NUP210: variants seen among roughly 807,000 people sequenced by gnomAD.
NUP210 encodes nuclear pore membrane glycoprotein 210.
A neutral mutation model predicts 196.0 loss-of-function variants in NUP210; 151 were observed. The ratio of observed to expected loss-of-function variants is 0.77; its 90% CI spans 0.67 to 0.88. The LOEUF (loss-of-function observed/expected upper bound fraction) is 0.88, where lower values mean the gene tolerates loss of function less well. NUP210 is among the 40% of genes least tolerant of loss of function. NUP210 has a pLI of 0.00. For missense variants in NUP210, 2,314 were observed against 2,493.7 expected, an observed-to-expected ratio of 0.93 and a Z score of 1.53; for synonymous variants, 1,070 against 1,052.7, an observed-to-expected ratio of 1.02 and a Z score of -0.32.
chr3:13,379,714 G>C lies in NUP210; in HGVS notation c.825C>G (p.Ser275=), dbSNP rs1172228121. ...KIRQGKITEL[S]MPSDQYELQL... Reference sequence around the variant, plus strand: ...GCAACTCGTACTGATCGGAAGGCATGGAGAGTTCTGGCCACCAAGAAACAA... The same window carrying C: ...GCAACTCGTACTGATCGGAAGGCATCGAGAGTTCTGGCCACCAAGAAACAA... Residue 275 remains serine (S), a synonymous_variant, in exon 7 of 40, where the codon TCC becomes TCG. Transcript: ENST00000254508. The surrounding 1 kb of genome is among the most constrained non-coding windows in gnomAD (Gnocchi z 4.2). 1 of 1,580,670 alleles carries C rather than the reference G, an allele frequency of 6.3e-7. No individual in the cohort carries two copies. Among genetic ancestry groups the C allele is most frequent in the Admixed American group, 1.9e-5 (1 of 53,134 alleles).
At chr3:13,418,859 G>C (rs1700433119) in intron 1 of NUP210, among the ~76,000 whole-genome samples, 1 of 141,100 alleles carries the variant, frequency 7.1e-6, no homozygotes, top group East Asian at 2.2e-4. Context: ...CGAGGCGGGA[G>C]AATCGCTTGA....
At chr3:13,384,766 C>A (rs1199171110) in intron 6 of NUP210, among the ~76,000 whole-genome samples, 2 of 152,194 alleles carry the variant, frequency 1.3e-5, no homozygotes, top group African/African-American at 4.8e-5. Context: ...TGCCCTCTGG[C>A]CTTTCAACAC....
At position 13,399,705 on chromosome 3, in the gene NUP210, A is replaced by T; in HGVS notation, c.304+20T>A. 1 of 1,613,970 alleles carries T rather than the reference A, an allele frequency of 6.2e-7. No homozygotes were observed. Among genetic ancestry groups the T allele is most frequent in the Non-Finnish European group, 8.5e-7 (1 of 1,179,966 alleles). On this transcript the variant is annotated intron_variant, in intron 2 of 39. Transcript: ENST00000254508. ...GTCTCTGGCTCCCACCGGGGATCAC[A>T]CACAGCACTCAGCCCTTACTGATGT...
chr3:13,343,327 A>AGGGGGGGGGGGGGG, intron 20 of NUP210, 24 bp from the exon 21 acceptor site: 5 of 183,874 alleles, frequency 2.7e-5, no homozygotes, highest in South Asian at 7.5e-5. Context: ...GCGGAGGTGG[A>AGGGGGGGGGGGGGG]GGGGTGGGTG....
At chr3:13,414,478 C>A (rs532648065) in intron 1 of NUP210, among the ~76,000 whole-genome samples, 1 of 146,382 alleles carries the variant, frequency 6.8e-6, no homozygotes, top group Admixed American at 6.9e-5. Flanking sequence ...CCAGGGAGAA[C>A]GAGGCCCAAA....
Position 13,366,651 on chromosome 3 carries a change from G to A in NUP210, c.1787-560C>T, listed in dbSNP as rs577819446. Among the ~76,000 whole-genome samples the A allele has an allele frequency of 6.6e-5, 10 of 151,576 alleles. 1 individual carries two copies. In the Middle Eastern group the frequency reaches 0.01, roughly 155 times the overall value. On this transcript the variant is annotated intron_variant, in intron 13 of 39. Transcript: ENST00000254508. ...TCCTGCCTCAGCCTCCCGAGTAGCT[G>A]GGATTAGAGGCATGCGCCACCACGC...
In NUP210 at chr3:13,327,955, A is replaced by G. The variant is rs577389596; in HGVS notation, c.4287-518T>C. Among the ~76,000 whole-genome samples, 7 of 152,334 alleles carry G rather than the reference A, an allele frequency of 4.6e-5. No individual in the cohort carries two copies. In the South Asian group the frequency reaches 1.0e-3, roughly 23 times the overall value. On this transcript the variant is annotated intron_variant, in intron 31 of 39. Transcript: ENST00000254508. ...CTGCCACAGGGCAGGTGCTCAGTCAATGTTGGCAATGGCAGCTTTGGTGCA... is the reference window on the plus strand; with the variant it reads ...CTGCCACAGGGCAGGTGCTCAGTCAGTGTTGGCAATGGCAGCTTTGGTGCA...
chr3:13,324,289 GCCTGCACTCCTGGAGTGCC>G (rs1486901857), intron 33 of NUP210, among the ~76,000 whole-genome samples: 2 of 151,670 alleles, frequency 1.3e-5, no homozygotes, highest in South Asian at 2.1e-4. Context: ...CCCCTCTCCT[GCCTGCACTCCTGGAGTGCC>G]CGTGCACTCC....
chr3:13,350,539 ACTGT>A lies in NUP210; in HGVS notation c.2835+1336_2835+1339del, dbSNP rs1353207543. On this transcript the variant is annotated intron_variant, in intron 20 of 39. Transcript: ENST00000254508. This position sits in a 1 kb window ranked among gnomAD's most constrained non-coding sequence, Gnocchi z 4.1. ...TCCAGAAAAAAGGCAGATGACAGAAACTGTCTGTGAGGGCCACCAGAGATCAGAT... is the reference window on the plus strand; with the variant it reads ...TCCAGAAAAAAGGCAGATGACAGAAACTGTGAGGGCCACCAGAGATCAGAT... Among the ~76,000 whole-genome samples, 2 of 152,106 alleles carry A rather than the reference ACTGT, an allele frequency of 1.3e-5. No homozygotes were observed. Among genetic ancestry groups the A allele is most frequent in the East Asian group, 3.9e-4 (2 of 5,194 alleles).
At chr3:13,359,839 G>C (rs1698309609) in intron 15 of NUP210, among the ~76,000 whole-genome samples, 1 of 152,136 alleles carries the variant, frequency 6.6e-6, no homozygotes. Flanking sequence ...AAACTTAAGA[G>C]ATTACCTATA....
At chr3:13,328,560 C>T (rs938421315) in intron 31 of NUP210, among the ~76,000 whole-genome samples, 2 of 152,230 alleles carry the variant, frequency 1.3e-5, no homozygotes, top group African/African-American at 4.8e-5. Flanking sequence ...GGGCTGATGC[C>T]TGTCTGTCTT....
rs2271509 is a variant in NUP210 at position 13,327,392 on chromosome 3, G to A, written c.4332C>T (p.Cys1444=). 791,374 of 1,612,204 alleles carry A rather than the reference G, an allele frequency of 0.49. 196,813 individuals carry two copies. Among genetic ancestry groups the A allele is most frequent in the Non-Finnish European group, 0.51 (605,676 of 1,179,276 alleles). ...QIGKGPTNNT[C]VVRTVSVGLT... The stretch of plus-strand genomic sequence containing the variant: ...GGCCCACGCTGACTGTGCGGACAAC[G>A]CAGGTGTTGTTGGTGGGGCCCTTCC... The change falls in exon 32 of 40, where the codon TGC becomes TGT. Residue 1444 remains cysteine (C), a synonymous_variant. Coordinates refer to ENST00000254508, the MANE Select transcript of NUP210 (RefSeq NM_024923.4).
At chr3:13,367,091 A>T (rs1448167484) in intron 13 of NUP210, among the ~76,000 whole-genome samples, 1 of 151,588 alleles carries the variant, frequency 6.6e-6, no homozygotes, top group Non-Finnish European at 1.5e-5. Flanking sequence ...GCACCATTGC[A>T]CTCCAGCCTG....
At chr3:13,365,597 G>A (rs1357382471) in intron 14 of NUP210, among the ~76,000 whole-genome samples, 3 of 152,194 alleles carry the variant, frequency 2.0e-5, no homozygotes, top group African/African-American at 7.2e-5. Flanking sequence ...GCTCTGGAGT[G>A]GAGCAGAAGC....
rs779348793 is a variant in NUP210 at position 13,360,479 on chromosome 3, A to G, written c.1945T>C (p.Ser649Pro). The G allele has an allele frequency of 6.2e-7, 1 of 1,609,636 alleles. No individual in the cohort carries two copies. Among genetic ancestry groups the G allele is most frequent in the South Asian group, 1.1e-5 (1 of 90,174 alleles). ...AYLPLKAVDP[S>P]SVALVTLGSS... ...CCCAGGGTTACCAAGGCAACAGAGG[A>G]GGGATCCACAGCCTGGGGACAGAAG... The change falls in exon 15 of 40, where the codon TCC (serine) becomes CCC (proline). Residue 649 changes from serine (S) to proline (P), a missense_variant. By Grantham distance (74) the Ser-to-Pro change is moderately conservative. Transcript: ENST00000254508.
chr3:13,409,186 A>G (rs1700086988), intron 1 of NUP210, among the ~76,000 whole-genome samples: 1 of 152,202 alleles, frequency 6.6e-6, no homozygotes, highest in African/African-American at 2.4e-5. Flanking sequence ...TTCCAGTAAC[A>G]GCACTCAATT....
intron 14 of NUP210, among the ~76,000 whole-genome samples, chr3:13,362,699 C>A (rs1238212771): frequency 1.3e-5 from 2 of 152,322 alleles, no homozygotes; most frequent in African/African-American, 2.4e-5. Context: ...TTCCAAGGAG[C>A]CCGCGGTGCC....
intron 1 of NUP210, among the ~76,000 whole-genome samples, chr3:13,405,627 AG>A (rs527561035): frequency 1.1e-3 from 169 of 152,162 alleles, no homozygotes; most frequent in Non-Finnish European, 1.9e-3. Context: ...CTAATCAGGG[AG>A]GGTATAAGAA....
chr3:13,348,929 C>A lies in NUP210; in HGVS notation c.2835+2950G>T, dbSNP rs532408685. The A allele has an allele frequency of 6.1e-6, 6 of 981,600 alleles. No individual in the cohort carries two copies. The highest frequency in any genetic ancestry group is 5.2e-4 in the Middle Eastern group (1 of 1,914). 60.8% of individuals were successfully genotyped at this position (981,600 alleles called of 1,614,324 possible). A position where few individuals can be genotyped will look rare whatever the true frequency, so the allele number is the denominator to read the frequency against. Reference sequence around the variant, plus strand: ...AACTTATTAAACAGGGGGTGTTTCACACAAAAATAGAGATCTCTATTTTCT... The same window carrying A: ...AACTTATTAAACAGGGGGTGTTTCAAACAAAAATAGAGATCTCTATTTTCT... On this transcript the variant is annotated intron_variant, in intron 20 of 39. Transcript: ENST00000254508. The surrounding 1 kb of genome is among the most constrained non-coding windows in gnomAD (Gnocchi z 4.0).
Sources: gnomAD v4.1 joint callset for allele counts (sites outside exome capture counted in the v4.1 genomes callset) on GRCh38, gnomAD v4.1.1 for gene constraint, Gnocchi (gnomAD v3.1) non-coding constraint, MANE v1.5 for transcripts, NCBI Gene and HGNC (gene_info 2026-07-23, HGNC 2026-07-21) for gene names.